TYW1B: variants seen among roughly 807,000 people sequenced by gnomAD.
TYW1B encodes tRNA-yW synthesizing protein 1 homolog B.
A neutral mutation model predicts 86.9 loss-of-function variants in TYW1B; 73 were observed. The observed-to-expected ratio is 0.84, with a 90% CI of 0.70 to 1.02. The LOEUF is 1.02. Among genes scored for constraint, TYW1B ranks in the 50% least tolerant of loss-of-function variants. The pLI is 0.00. For missense variants in TYW1B, 637 were observed against 827.4 expected (o/e 0.77, Z 2.82); for synonymous variants, 248 against 292.8 (o/e 0.85, Z 1.56).
At chr7:72,700,155 CTTTTTTTTTTTTTTT>C (rs587689485) in intron 10 of TYW1B, among the ~76,000 whole-genome samples, 42 of 74,246 alleles carry the variant, frequency 5.7e-4, no homozygotes, top group African/African-American at 2.2e-3. Context: ...AGCTTTTACA[CTTTTTTTTTTTTTTT>C]TTTTTTTTTT....
At chr7:72,707,888 G>A (rs1814650102) in intron 10 of TYW1B, among the ~76,000 whole-genome samples, 1 of 152,208 alleles carries the variant, frequency 6.6e-6, no homozygotes, top group Admixed American at 6.5e-5. Flanking sequence ...TCGTGATAAT[G>A]AGTAAGTTCT....
chr7:72,734,760 C>CA (rs1297977375), intron 8 of TYW1B, among the ~76,000 whole-genome samples: 6 of 152,098 alleles, frequency 3.9e-5, no homozygotes, highest in African/African-American at 1.2e-4. Flanking sequence ...AACCCAACAG[C>CA]AAAAAAACCC....
At chr7:72,823,996 C>T (rs1788880958) in intron 2 of TYW1B, among the ~76,000 whole-genome samples, 1 of 151,898 alleles carries the variant, frequency 6.6e-6, no homozygotes, top group Non-Finnish European at 1.5e-5. Flanking sequence ...CATAAAGAGG[C>T]TCTGAAAAAG....
chr7:72,671,421 A>C lies in TYW1B; in HGVS notation c.1506+23266T>G, dbSNP rs570244030. ...TGCTTCTAATCTTCTGCTATTAAAA[A>C]TAATGTCACAATGAATAATCTTGTA... On this transcript the variant is annotated intron_variant, in intron 11 of 13. Transcript: ENST00000620995. Among the ~76,000 whole-genome samples, 7 of 152,322 alleles carry C rather than the reference A, an allele frequency of 4.6e-5. No individual in the cohort carries two copies. In the East Asian group the frequency reaches 1.4e-3, roughly 29 times the overall value.
At chr7:72,752,725 C>T (rs1484931074) in intron 7 of TYW1B, among the ~76,000 whole-genome samples, 11 of 97,860 alleles carry the variant, frequency 1.1e-4, no homozygotes, top group African/African-American at 2.1e-4. Context: ...AATGAGACTC[C>T]GTCTCAAAAA....
intron 8 of TYW1B, among the ~76,000 whole-genome samples, chr7:72,740,979 C>G (rs1554462214): frequency 1.3e-5 from 2 of 151,998 alleles, no homozygotes; most frequent in Admixed American, 1.3e-4. Flanking sequence ...AGCTGCCCAC[C>G]TCGGCCTCCC....
chr7:72,667,823 A>G (rs1554445610), intron 11 of TYW1B, among the ~76,000 whole-genome samples: 1 of 152,242 alleles, frequency 6.6e-6, no homozygotes, highest in East Asian at 1.9e-4. Context: ...TATACTCTTC[A>G]GGCAATCTGA....
chr7:72,589,030 C>G (rs1811337829), intron 13 of TYW1B, among the ~76,000 whole-genome samples: 1 of 152,198 alleles, frequency 6.6e-6, no homozygotes, highest in Non-Finnish European at 1.5e-5. Flanking sequence ...CCAGGCTGGT[C>G]TTGAACCCCT....
chr7:72,813,171 CTTTTTTTTTTTTT>C (rs782128548), intron 3 of TYW1B, among the ~76,000 whole-genome samples: 3 of 123,770 alleles, frequency 2.4e-5, no homozygotes, highest in African/African-American at 9.2e-5. Context: ...CATACTTCTT[CTTTTTTTTTTTTT>C]TTTTTTTTGA....
At chr7:72,672,805 C>A (rs1365655231) in intron 11 of TYW1B, among the ~76,000 whole-genome samples, 2 of 152,178 alleles carry the variant, frequency 1.3e-5, no homozygotes, top group Non-Finnish European at 2.9e-5. Context: ...TGTGTGCATA[C>A]ACATGTGTGT....
intron 9 of TYW1B, among the ~76,000 whole-genome samples, chr7:72,714,870 C>T (rs529696109): frequency 2.6e-5 from 4 of 152,002 alleles, no homozygotes; most frequent in South Asian, 2.1e-4. Flanking sequence ...TGAGAGGAGA[C>T]GGTGTCACCG....
chr7:72,635,072 TG>T (rs1812634290), intron 11 of TYW1B, among the ~76,000 whole-genome samples: 1 of 152,200 alleles, frequency 6.6e-6, no homozygotes, highest in African/African-American at 2.4e-5. Context: ...ATCAAGAGCA[TG>T]AAGATAAGCT....
intron 12 of TYW1B, among the ~76,000 whole-genome samples, chr7:72,627,978 C>G (rs1239082190): frequency 6.6e-6 from 1 of 152,128 alleles, no homozygotes; most frequent in Admixed American, 6.6e-5. Context: ...GAGCCCAGTA[C>G]TCTGAATAAC....
At chr7:72,769,830 G>A (rs1787835368) in intron 7 of TYW1B, among the ~76,000 whole-genome samples, 1 of 152,208 alleles carries the variant, frequency 6.6e-6, no homozygotes, top group Non-Finnish European at 1.5e-5. Flanking sequence ...CCAGCACTTT[G>A]GGAGGCTGAG....
At chr7:72,611,294 G>A (rs1554435870) in intron 13 of TYW1B, among the ~76,000 whole-genome samples, 2 of 151,876 alleles carry the variant, frequency 1.3e-5, no homozygotes, top group African/African-American at 4.8e-5. Context: ...TTTTCTGTTA[G>A]CCCATTCTTG....
intron 11 of TYW1B, among the ~76,000 whole-genome samples, chr7:72,688,476 C>A (rs1247715665): frequency 1.2e-4 from 18 of 152,062 alleles, no homozygotes. Flanking sequence ...TTTTGTCGTA[C>A]CTTTACTTGG....
chr7:72,655,879 T>C (rs1813190542), intron 11 of TYW1B, among the ~76,000 whole-genome samples: 1 of 152,090 alleles, frequency 6.6e-6, no homozygotes, highest in African/African-American at 2.4e-5. Context: ...CAACTGCATG[T>C]CTCCCAGGGG....
chr7:72,605,410 G>C (rs1811770533), intron 13 of TYW1B, among the ~76,000 whole-genome samples: 1 of 151,238 alleles, frequency 6.6e-6, no homozygotes, highest in Admixed American at 6.6e-5. Flanking sequence ...CTAGAGTGCA[G>C]TGGCGCAATC....
intron 3 of TYW1B, among the ~76,000 whole-genome samples, chr7:72,812,261 A>G (rs782792146): frequency 2.0e-5 from 3 of 152,100 alleles, no homozygotes; most frequent in Non-Finnish European, 4.4e-5. Flanking sequence ...ACTTTATACA[A>G]TATTTTTGAC....
Sources: allele counts gnomAD v4.1 joint callset (sites outside exome capture counted in the v4.1 genomes callset), GRCh38; gene constraint gnomAD v4.1.1; transcripts MANE v1.5; gene names NCBI Gene and HGNC (gene_info 2026-07-23, HGNC 2026-07-21).